PDE1A: variants seen among roughly 807,000 people sequenced by gnomAD.
PDE1A encodes the protein dual specificity calcium/calmodulin-dependent 3',5'-cyclic nucleotide phosphodiesterase 1A.
PDE1A carries 35 observed loss-of-function variants against 61.7 expected under a neutral mutation model. That is an observed-to-expected ratio of 0.57 (90% CI 0.43 to 0.75). The LOEUF (loss-of-function observed/expected upper bound fraction) is 0.75, where lower values mean the gene tolerates loss of function less well. PDE1A is among the 30% of genes least tolerant of loss of function. The pLI is 0.00. For missense variants in PDE1A, 597 were observed against 630.6 expected, an observed-to-expected ratio of 0.95 and a Z score of 0.57; for synonymous variants, 232 against 213.2, an observed-to-expected ratio of 1.09 and a Z score of -0.77.
the PDE1A span, among the ~76,000 whole-genome samples, chr2:182,580,511 C>A: frequency 2.6e-5 from 4 of 152,158 alleles, no homozygotes; most frequent in Non-Finnish European, 4.4e-5. Context: ...AAAGACTTGA[C>A]TTCCAAATAT....
intron 2 of PDE1A, among the ~76,000 whole-genome samples, chr2:182,432,302 CACA>C (rs1175688507): frequency 1.3e-5 from 2 of 152,034 alleles, no homozygotes; most frequent in East Asian, 1.9e-4. Flanking sequence ...TCTCCTTAAC[CACA>C]ACAAGGTCAT....
At chr2:182,326,518 T>C (rs1366235168) in intron 1 of PDE1A, among the ~76,000 whole-genome samples, 3 of 152,152 alleles carry the variant, frequency 2.0e-5, no homozygotes, top group Non-Finnish European at 4.4e-5. Context: ...GTTCCTAGAA[T>C]AGTCAAATTC....
chr2:182,223,087 A>G (rs1688860369), intron 7 of PDE1A, among the ~76,000 whole-genome samples: 1 of 152,012 alleles, frequency 6.6e-6, no homozygotes, highest in Admixed American at 6.6e-5. Flanking sequence ...AAGTAACAAG[A>G]GTGGGGCCCA....
chr2:182,692,525 G>C, the PDE1A span, among the ~76,000 whole-genome samples: 5 of 151,796 alleles, frequency 3.3e-5, no homozygotes, highest in Admixed American at 6.6e-5. Flanking sequence ...GTTGTGGGGT[G>C]GGGGGAGTGG....
intron 13 of PDE1A, among the ~76,000 whole-genome samples, chr2:182,177,607 TC>T (rs1684379406): frequency 6.6e-6 from 1 of 152,114 alleles, no homozygotes; most frequent in Non-Finnish European, 1.5e-5. Flanking sequence ...TCTGTTCTGT[TC>T]CATTGGTCTA....
At chr2:182,205,081 A>G (rs1040371725) in intron 8 of PDE1A, among the ~76,000 whole-genome samples, 3 of 152,206 alleles carry the variant, frequency 2.0e-5, no homozygotes, top group African/African-American at 4.8e-5. Context: ...AACAAAAATG[A>G]AAGCAAAAAC....
intron 1 of PDE1A, among the ~76,000 whole-genome samples, chr2:182,401,049 C>G (rs1701973018): frequency 6.6e-6 from 1 of 152,096 alleles, no homozygotes; most frequent in Admixed American, 6.5e-5. Flanking sequence ...GAGGCTTCCT[C>G]CACTTAAGAA....
chr2:182,533,733 C>T, the PDE1A span, among the ~76,000 whole-genome samples: 1 of 152,012 alleles, frequency 6.6e-6, no homozygotes, highest in Non-Finnish European at 1.5e-5. Flanking sequence ...GAGAGGACCA[C>T]AAATTTCTGG....
the PDE1A span, among the ~76,000 whole-genome samples, chr2:182,546,495 T>G: frequency 6.6e-6 from 1 of 152,122 alleles, no homozygotes; most frequent in Non-Finnish European, 1.5e-5. Context: ...TAAGGCCCTG[T>G]GAGGAAGCAA....
At chr2:182,157,014 A>ATTTTTTTTTT (rs201637207) in intron 13 of PDE1A, among the ~76,000 whole-genome samples, 1 of 82,000 alleles carries the variant, frequency 1.2e-5, no homozygotes, top group Non-Finnish European at 2.4e-5. Context: ...ATTTTATTTT[A>ATTTTTTTTTT]TTTTATTTTT....
downstream of PDE1A, among the ~76,000 whole-genome samples, chr2:182,165,453 A>G (rs912447218): frequency 6.6e-5 from 10 of 152,180 alleles, no homozygotes; most frequent in African/African-American, 2.4e-4. Flanking sequence ...CTAGGCTACT[A>G]AGGGCGATTG....
rs1400809127 is a variant in PDE1A at position 182,300,662 on chromosome 2, T to C, written c.54-36248A>G. On this transcript the variant is annotated intron_variant, in intron 1 of 13. Coordinates refer to ENST00000351439, the Ensembl canonical transcript of PDE1A. ...ATAACAATGTCTAGAGAAGAAATAG[T>C]GGAAATAATTATAGAAGTAGGCACA... Among the ~76,000 whole-genome samples, 4 of 152,186 alleles carry C rather than the reference T, an allele frequency of 2.6e-5. No individual in the cohort carries two copies. In the East Asian group the frequency reaches 7.7e-4, roughly 29 times the overall value.
At chr2:182,618,958 A>G in the PDE1A span, among the ~76,000 whole-genome samples, 1 of 151,608 alleles carries the variant, frequency 6.6e-6, no homozygotes, top group South Asian at 2.1e-4. Context: ...GACATAATCT[A>G]TGGCAGTGAC....
At chr2:182,490,995 G>A (rs1688354717) in intron 2 of PDE1A, among the ~76,000 whole-genome samples, 1 of 152,156 alleles carries the variant, frequency 6.6e-6, no homozygotes, top group African/African-American at 2.4e-5. Context: ...GAGGTTTGAG[G>A]AGGCAGGAAA....
chr2:182,714,974 C>T, the PDE1A span, among the ~76,000 whole-genome samples: 29 of 152,274 alleles, frequency 1.9e-4, no homozygotes, highest in Admixed American at 5.2e-4. Flanking sequence ...AATACAATCT[C>T]AGTCTCTTTT....
At chr2:182,154,585 G>A (rs934261497) in intron 13 of PDE1A, among the ~76,000 whole-genome samples, 1 of 152,080 alleles carries the variant, frequency 6.6e-6, no homozygotes, top group Non-Finnish European at 1.5e-5. Context: ...GAGATCTGAT[G>A]GTTTAATAAA....
chr2:182,519,865 C>A (rs1690457161), intron 2 of PDE1A, among the ~76,000 whole-genome samples: 2 of 151,784 alleles, frequency 1.3e-5, no homozygotes, highest in South Asian at 4.2e-4. Context: ...AATTTACATA[C>A]TGGAAGCTCA....
chr2:182,654,258 T>C, the PDE1A span, among the ~76,000 whole-genome samples: 1 of 152,214 alleles, frequency 6.6e-6, no homozygotes. Flanking sequence ...AAGTTTGTGG[T>C]AGTCCACCAC....
At chr2:182,312,450 A>G (rs1696047074) in intron 1 of PDE1A, among the ~76,000 whole-genome samples, 1 of 152,166 alleles carries the variant, frequency 6.6e-6, no homozygotes, top group Non-Finnish European at 1.5e-5. Flanking sequence ...ATTTAGACCT[A>G]TAATTCATTT....
Sources: gnomAD v4.1 joint callset for allele counts (sites outside exome capture counted in the v4.1 genomes callset) on GRCh38, gnomAD v4.1.1 for gene constraint, MANE v1.5 for transcripts, NCBI Gene and HGNC (gene_info 2026-07-23, HGNC 2026-07-21) for gene names.